Variants in RAD51B observed in about 807,000 individuals in gnomAD.
RAD51B encodes DNA repair protein RAD51 homolog 2.
Under a neutral mutation model 42.2 loss-of-function variants are expected in RAD51B, and 38 were observed. The observed-to-expected ratio is 0.90, with a 90% confidence interval of 0.70 to 1.18. The LOEUF is 1.18. RAD51B is among the 50% of genes most tolerant of loss of function. The pLI, the probability that RAD51B is intolerant of heterozygous loss-of-function variation, is 0.00. For missense variants in RAD51B, 373 were observed against 400.7 expected (o/e 0.93, Z 0.59); for synonymous variants, 154 against 145.2 (o/e 1.06, Z -0.43).
chr14:68,241,795 C>T (rs2080394484), intron 7 of RAD51B, among the ~76,000 whole-genome samples: 1 of 152,144 alleles, frequency 6.6e-6, no homozygotes, highest in Non-Finnish European at 1.5e-5. Context: ...CCTGCCCAGT[C>T]ATGTCTCCCT....
chr14:68,019,530 C>T (rs2075829588), intron 7 of RAD51B, among the ~76,000 whole-genome samples: 1 of 151,868 alleles, frequency 6.6e-6, no homozygotes, highest in African/African-American at 2.4e-5. Flanking sequence ...AGATTTTTTT[C>T]AAGCAAATTT....
chr14:68,406,980 A>G (rs891417118), intron 8 of RAD51B, among the ~76,000 whole-genome samples: 1 of 152,224 alleles, frequency 6.6e-6, no homozygotes, highest in African/African-American at 2.4e-5. Flanking sequence ...TTCAGGGGCA[A>G]TAACACGCAT....
chr14:68,145,366 A>G (rs1229224088), intron 7 of RAD51B, among the ~76,000 whole-genome samples: 2 of 152,220 alleles, frequency 1.3e-5, no homozygotes, highest in African/African-American at 4.8e-5. Context: ...TCTGCCACCT[A>G]CGGGCGGGGT....
chr14:68,494,503 C>A (rs1337525574), intron 10 of RAD51B, among the ~76,000 whole-genome samples: 1 of 152,134 alleles, frequency 6.6e-6, no homozygotes, highest in South Asian at 2.1e-4. Context: ...ACAAGGCTAT[C>A]TCTGAAAGAC....
At chr14:68,059,400 C>T (rs1193272048) in intron 7 of RAD51B, among the ~76,000 whole-genome samples, 1 of 152,132 alleles carries the variant, frequency 6.6e-6, no homozygotes, top group African/African-American at 2.4e-5. Flanking sequence ...AATGGCCTGG[C>T]CTTACCTTTC....
At chr14:68,563,844 T>G in intron 10 of RAD51B, 4 of 985,426 alleles carry the variant, frequency 4.1e-6, no homozygotes, top group Non-Finnish European at 4.8e-6. Context: ...TACCTCCTCT[T>G]GAAGTTGGTT....
At chr14:68,396,199 A>G (rs2083916941) in intron 8 of RAD51B, among the ~76,000 whole-genome samples, 1 of 152,210 alleles carries the variant, frequency 6.6e-6, no homozygotes, top group Non-Finnish European at 1.5e-5. Flanking sequence ...AACACTAGAG[A>G]TATACTTCGT....
intron 7 of RAD51B, among the ~76,000 whole-genome samples, chr14:67,999,834 G>A (rs569593538): frequency 6.6e-6 from 1 of 152,246 alleles, no homozygotes; most frequent in African/African-American, 2.4e-5. Flanking sequence ...TGCCTTGAAG[G>A]TGGAGTAGGG....
At chr14:68,485,728 G>A (rs1049108739) in intron 10 of RAD51B, among the ~76,000 whole-genome samples, 1 of 152,112 alleles carries the variant, frequency 6.6e-6, no homozygotes, top group African/African-American at 2.4e-5. Context: ...CCAGATTCTT[G>A]ACTAAGAAGT....
chr14:68,088,021 T>A (rs979849412), intron 7 of RAD51B, among the ~76,000 whole-genome samples: 1 of 132,994 alleles, frequency 7.5e-6, no homozygotes, highest in African/African-American at 2.9e-5. Context: ...AATATATTAT[T>A]ATATATAATT....
chr14:68,207,376 A>T (rs2140937784), intron 7 of RAD51B, among the ~76,000 whole-genome samples: 1 of 152,290 alleles, frequency 6.6e-6, no homozygotes, highest in Admixed American at 6.5e-5. Context: ...TGGCTTCTGA[A>T]TTTGAAATAA....
chr14:68,504,662 CTTTTTT>C (rs57967320), intron 10 of RAD51B, among the ~76,000 whole-genome samples: 191 of 90,450 alleles, frequency 2.1e-3, no homozygotes, highest in African/African-American at 6.6e-3. Context: ...TTTTTTCTTT[CTTTTTT>C]TTTTTTTTTT....
At chr14:68,504,662 C>CTTTTTTTTTTTTTTTTTT (rs57967320) in intron 10 of RAD51B, among the ~76,000 whole-genome samples, 35 of 90,446 alleles carry the variant, frequency 3.9e-4, no homozygotes, top group Non-Finnish European at 6.5e-4. Flanking sequence ...TTTTTTCTTT[C>CTTTTTTTTTTTTTTTTTT]TTTTTTTTTT....
chr14:68,448,866 A>G (rs1322123136), intron 9 of RAD51B, among the ~76,000 whole-genome samples: 1 of 152,228 alleles, frequency 6.6e-6, no homozygotes, highest in African/African-American at 2.4e-5. Context: ...TGAAATGGAA[A>G]ACAAAAAAGT....
At chr14:68,624,265 T>C (rs1171605080) in intron 10 of RAD51B, among the ~76,000 whole-genome samples, 1 of 152,156 alleles carries the variant, frequency 6.6e-6, no homozygotes, top group African/African-American at 2.4e-5. Flanking sequence ...ATTGTGGGGA[T>C]ATTTGGAAAA....
intron 9 of RAD51B, among the ~76,000 whole-genome samples, chr14:68,467,890 A>C (rs973280): frequency 3.3e-5 from 5 of 152,246 alleles, no homozygotes; most frequent in Admixed American, 1.3e-4. Flanking sequence ...CTATTTAAGC[A>C]TGTGTTATAA....
chr14:67,865,286 G>A, intron 5 of RAD51B, 147 bp downstream of exon 5: 2 of 800,600 alleles, frequency 2.5e-6, no homozygotes, highest in Non-Finnish European at 1.7e-6. Context: ...TGCCGGGCTG[G>A]AGTGCAGTGG....
chr14:67,957,910 T>C (rs554489825), intron 7 of RAD51B, among the ~76,000 whole-genome samples: 97 of 152,286 alleles, frequency 6.4e-4, no homozygotes, highest in African/African-American at 2.2e-3. Context: ...GGTTAAAACT[T>C]ACATGAGAAG....
intron 7 of RAD51B, among the ~76,000 whole-genome samples, chr14:68,146,068 G>A (rs34116400): frequency 0.015 from 2,344 of 152,074 alleles, 65 homozygotes; most frequent in African/African-American, 0.051. Context: ...AAAGGAATAA[G>A]GACTACATTA....
Sources: allele counts gnomAD v4.1 joint callset (sites outside exome capture counted in the v4.1 genomes callset), GRCh38; gene constraint gnomAD v4.1.1; transcripts MANE v1.5; gene names NCBI Gene and HGNC (gene_info 2026-07-23, HGNC 2026-07-21).